Variants in SHANK1 observed in about 807,000 individuals in gnomAD.
SHANK1 encodes the protein SH3 and multiple ankyrin repeat domains 1.
Under a neutral mutation model 165.6 loss-of-function variants are expected in SHANK1, and 35 were observed. The observed-to-expected ratio is 0.21, with a 90% CI of 0.16 to 0.28. The LOEUF (loss-of-function observed/expected upper bound fraction) is 0.28, where lower values mean the gene tolerates loss of function less well. Ranked by LOEUF, SHANK1 falls within the 10% of genes least tolerant of loss-of-function variation. The pLI is 1.00. For synonymous variants in SHANK1, 1,428 were observed against 1,384.8 expected (o/e 1.03, Z -0.69); for missense variants, 2,681 against 3,036.4 (o/e 0.88, Z 2.75).
intron 23 of SHANK1, among the ~76,000 whole-genome samples, chr19:50,665,103 T>C (rs1326721527): frequency 6.6e-6 from 1 of 152,164 alleles, no homozygotes; most frequent in Non-Finnish European, 1.5e-5. Flanking sequence ...GTGATGGTGA[T>C]GGGCAGAGAC....
In SHANK1 at chr19:50,716,198, G is replaced by T. The variant is rs2089067923; in HGVS notation, c.459+77C>A. On this transcript the variant is annotated intron_variant, in intron 3 of 23. Transcript: ENST00000293441. The surrounding 1 kb of genome is among the most constrained non-coding windows in gnomAD (Gnocchi z 8.4). ...GCCCCCTCGTTAAGGTTTCGAGTGT[G>T]TTAAAAAGTGGGTGGGGGGCAGATG... The T allele has an allele frequency of 1.4e-6, 2 of 1,401,738 alleles. No individual in the cohort carries two copies. The highest frequency in any genetic ancestry group is 2.8e-5 in the African/African-American group (2 of 70,614). The allele number at this position is 1,401,738 out of a possible 1,614,324, so 86.8% of individuals were successfully genotyped here.
chr19:50,697,039 C>CA lies in SHANK1; in HGVS notation c.1964+56dup. 1.4e-6 allele frequency: 2 copies of CA among 1,465,468 alleles called. No individual in the cohort carries two copies. The highest frequency in any genetic ancestry group is 1.9e-6 in the Non-Finnish European group (2 of 1,044,552). The allele number at this position is 1,465,468 out of a possible 1,614,324, so 90.8% of individuals were successfully genotyped here. A position where few individuals can be genotyped will look rare whatever the true frequency, so the allele number is the denominator to read the frequency against. On this transcript the variant is annotated intron_variant, in intron 15 of 23. Coordinates refer to ENST00000293441, the MANE Select transcript of SHANK1 (RefSeq NM_016148.5). This position sits in a 1 kb window ranked among gnomAD's most constrained non-coding sequence, Gnocchi z 4.7. ...CGTGCACACACGTTCACACGCCCCC[C>CA]AGGCACCCCGTCCTTCCCCTCCTGA...
intron 8 of SHANK1, chr19:50,710,930 T>C (rs1305162531): frequency 1.8e-5 from 3 of 163,844 alleles, no homozygotes; most frequent in Non-Finnish European, 2.7e-5. Context: ...TTTCTCCTCT[T>C]TTCTACTCCT....
At chr19:50,699,687 G>T (rs1986845025) in intron 12 of SHANK1, among the ~76,000 whole-genome samples, 1 of 152,056 alleles carries the variant, frequency 6.6e-6, no homozygotes, top group Non-Finnish European at 1.5e-5. Flanking sequence ...GGGATTGGAA[G>T]GCTTGGGGCA....
At chr19:50,672,231 G>C in intron 21 of SHANK1, 117 bp from the exon 22 acceptor site, 1 of 818,282 alleles carries the variant, frequency 1.2e-6, no homozygotes, top group Non-Finnish European at 2.0e-6. Context: ...AGCCCCTGCC[G>C]TAAGGGAGAG....
chr19:50,687,018 A>T, intron 19 of SHANK1: 1 of 1,482,688 alleles, frequency 6.7e-7, no homozygotes, highest in Non-Finnish European at 8.9e-7. Flanking sequence ...CCCACTCACC[A>T]CTCTTCTTCT....
rs1985626539 is a variant in SHANK1 at position 50,668,146 on chromosome 19, G to GCCCGCCGTC, written c.3805_3813dup (p.Asp1269_Gly1271dup). 8 of 1,464,978 alleles carry GCCCGCCGTC rather than the reference G, an allele frequency of 5.5e-6. No homozygotes were observed. Among genetic ancestry groups the GCCCGCCGTC allele is most frequent in the Non-Finnish European group, 6.3e-6 (7 of 1,115,770 alleles). The allele number at this position is 1,464,978 out of a possible 1,614,324, so 90.7% of individuals were successfully genotyped here. A position where few individuals can be genotyped will look rare whatever the true frequency, so the allele number is the denominator to read the frequency against. ...GGGCCCGGGGCCGCCCCTGTGCCCAGCCCGCCGTCCCCGCCGTCCTCGTCC... is the reference window on the plus strand; with the variant it reads ...GGGCCCGGGGCCGCCCCTGTGCCCAGCCCGCCGTCCCCGCCGTCCCCGCCGTCCTCGTCC... On this transcript the variant is annotated inframe_insertion, in exon 23 of 24. Transcript: ENST00000293441.
At position 50,717,031 on chromosome 19, in the gene SHANK1, G is replaced by A. The variant is rs2089079228; in HGVS notation, c.-43-69C>T. The A allele has an allele frequency of 2.3e-6, 3 of 1,288,186 alleles. No individual in the cohort carries two copies. Among genetic ancestry groups the A allele is most frequent in the Admixed American group, 3.5e-5 (1 of 28,520 alleles). 79.8% of individuals were successfully genotyped at this position (1,288,186 alleles called of 1,614,324 possible). On this transcript the variant is annotated intron_variant, in intron 1 of 23. Coordinates refer to ENST00000293441, the MANE Select transcript of SHANK1 (RefSeq NM_016148.5). The surrounding 1 kb of genome is among the most constrained non-coding windows in gnomAD (Gnocchi z 5.5). Reference sequence around the variant, plus strand: ...CCTCAGAGGCCGCAGGCGCTATTCGGTGGTCAAGCGGTCAAGGGCAGCCTA... The same window carrying A: ...CCTCAGAGGCCGCAGGCGCTATTCGATGGTCAAGCGGTCAAGGGCAGCCTA...
intron 21 of SHANK1, among the ~76,000 whole-genome samples, chr19:50,673,064 C>T (rs1026811532): frequency 3.3e-5 from 5 of 152,090 alleles, no homozygotes; most frequent in Non-Finnish European, 5.9e-5. Context: ...TCGCCCAGTC[C>T]GTTATGTGTC....
At chr19:50,680,922 C>A (rs1237634792) in intron 21 of SHANK1, among the ~76,000 whole-genome samples, 1 of 152,142 alleles carries the variant, frequency 6.6e-6, no homozygotes, top group African/African-American at 2.4e-5. Flanking sequence ...TCCCAAAGTG[C>A]TGGGATTACA....
At position 50,666,588 on chromosome 19, in the gene SHANK1, C is replaced by T; in HGVS notation, c.5372G>A (p.Gly1791Glu). The T allele has an allele frequency of 1.2e-6, 2 of 1,601,246 alleles. No homozygotes were observed. The highest frequency in any genetic ancestry group is 1.7e-6 in the Non-Finnish European group (2 of 1,175,856). ...GGCCAGCAGCCCATCGGTTCCAGCC[C>T]CTGTCACCGAGACGGTGGGGCTGGT... ...TPTSPTVSVTGAGTDGLLALR... is the reference protein window; with the variant it reads ...TPTSPTVSVTEAGTDGLLALR... The change falls in exon 23 of 24, where the codon GGG becomes GAG. Residue 1791 changes from glycine (G) to glutamate (E), a missense_variant. Transcript: ENST00000293441.
At position 50,666,833 on chromosome 19, in the gene SHANK1, C is replaced by A; in HGVS notation, c.5127G>T (p.Gly1709=). The A allele has an allele frequency of 6.4e-7, 1 of 1,552,002 alleles. No homozygotes were observed. Among genetic ancestry groups the A allele is most frequent in the African/African-American group, 1.4e-5 (1 of 73,500 alleles). Residue 1709 remains glycine (G), a synonymous_variant, in exon 23 of 24, where the codon GGG becomes GGT. Coordinates refer to ENST00000293441, the MANE Select transcript of SHANK1 (RefSeq NM_016148.5). ...SLSAEGGGSA[G]GGGGAGAGVA... Reference sequence around the variant, plus strand: ...CACCGGCCCCAGCCCCGCCCCCACCCCCTGCGCTGCCACCACCTTCGGCAG... The same window carrying A: ...CACCGGCCCCAGCCCCGCCCCCACCACCTGCGCTGCCACCACCTTCGGCAG...
Position 50,660,536 on chromosome 19 carries a change from G to A in SHANK1, c.*1429C>T, listed in dbSNP as rs539725523. On this transcript the variant is annotated 3_prime_UTR_variant, in exon 24 of 24. Coordinates refer to ENST00000293441, the MANE Select transcript of SHANK1 (RefSeq NM_016148.5). ...TTGTCAACAGGAATAAAAAATAAGC[G>A]TGTCAGGAAAAGAAATGACAGTTAC... Among the ~76,000 whole-genome samples, 27 of 152,080 alleles carry A rather than the reference G, an allele frequency of 1.8e-4. No homozygotes were observed. The South Asian group carries it at 4.6e-3, about 26-fold the overall frequency.
Position 50,704,554 on chromosome 19 carries a change from G to A in SHANK1, c.1078-40C>T, listed in dbSNP as rs534864358. The A allele has an allele frequency of 1.1e-5, 18 of 1,568,076 alleles. No individual in the cohort carries two copies. The African/African-American group carries it at 1.3e-4, about 12-fold the overall frequency. On this transcript the variant is annotated intron_variant, in intron 8 of 23. Coordinates refer to ENST00000293441, the MANE Select transcript of SHANK1 (RefSeq NM_016148.5). Reference sequence around the variant, plus strand: ...CAGTGGCACAGGACAAAGAGAGAGAGAAAAAATTAAGATCACCATGAGTGG... The same window carrying A: ...CAGTGGCACAGGACAAAGAGAGAGAAAAAAAATTAAGATCACCATGAGTGG...
At position 50,672,113 on chromosome 19, in the gene SHANK1, G is replaced by A. The variant is rs777118058; in HGVS notation, c.2579C>T (p.Ser860Leu). Residue 860 changes from serine (S) to leucine (L), a missense_variant and splice_region_variant, in exon 22 of 24, where the codon TCG becomes TTG. By Grantham distance (145) the Ser-to-Leu change is moderately radical (BLOSUM62 -2). Coordinates refer to ENST00000293441, the MANE Select transcript of SHANK1 (RefSeq NM_016148.5). ...HRPKGFFATESSFDPHHRAQP... is the reference protein window; with the variant it reads ...HRPKGFFATELSFDPHHRAQP... Reference sequence around the variant, plus strand: ...GGCACGGTGGTGGGGATCGAAGCTCGACTTTGGAGCGGCAGTCAGAGGGGG... The same window carrying A: ...GGCACGGTGGTGGGGATCGAAGCTCAACTTTGGAGCGGCAGTCAGAGGGGG... 1.3e-5 allele frequency: 21 copies of A among 1,612,620 alleles called. No individual in the cohort carries two copies. In the East Asian group the frequency reaches 1.6e-4, roughly 12 times the overall value.
In SHANK1 at chr19:50,666,407, C is replaced by T. The variant is rs1350162588; in HGVS notation, c.5553G>A (p.Leu1851=). ...EEGPGPPPPP[L]PGPLAQPQAS... is the part of the protein sequence containing the mutation. ...CCTGAGGCTGGGCCAAGGGCCCGGG[C>T]AGAGGTGGTGGCGGTGGGCCCGGGC... Residue 1851 remains leucine, a synonymous_variant, in exon 23 of 24, where the codon CTG becomes CTA. Coordinates refer to ENST00000293441, the MANE Select transcript of SHANK1 (RefSeq NM_016148.5). 11 of 1,612,564 alleles carry T rather than the reference C, an allele frequency of 6.8e-6. No homozygotes were observed. The highest frequency in any genetic ancestry group is 1.1e-5 in the South Asian group (1 of 91,004).
intron 21 of SHANK1, among the ~76,000 whole-genome samples, chr19:50,676,800 C>T (rs1985998662): frequency 6.6e-6 from 1 of 152,190 alleles, no homozygotes; most frequent in Non-Finnish European, 1.5e-5. Context: ...CACTTCCCAG[C>T]TTCCTTTGCA....
rs757087714 is a variant in SHANK1 at position 50,668,938 on chromosome 19, C to CGTGGTG, written c.3016_3021dup (p.His1006_His1007dup). ...TGGTGGTGGGGCTGAGGGGGCGGGG[C>CGTGGTG]GTGGTGGTGGTGGTGGTGGGGCGGG... On this transcript the variant is annotated inframe_insertion, in exon 23 of 24. Transcript: ENST00000293441. The CGTGGTG allele has an allele frequency of 2.3e-4, 49 of 210,618 alleles. No individual in the cohort carries two copies. The highest frequency in any genetic ancestry group is 2.6e-4 in the Non-Finnish European group (33 of 128,400). The allele number at this position is 210,618 out of a possible 1,614,324, so 13.0% of individuals were successfully genotyped here.
In SHANK1 at chr19:50,697,446, T is replaced by C. The variant is rs1421603519; in HGVS notation, c.1937+143A>G. The C allele has an allele frequency of 2.9e-5, 24 of 813,858 alleles. No homozygotes were observed. Among genetic ancestry groups the C allele is most frequent in the Non-Finnish European group, 1.7e-5 (8 of 474,052 alleles). The allele number at this position is 813,858 out of a possible 1,614,324, so 50.4% of individuals were successfully genotyped here. A position where few individuals can be genotyped will look rare whatever the true frequency, so the allele number is the denominator to read the frequency against. On this transcript the variant is annotated intron_variant, in intron 14 of 23. Coordinates refer to ENST00000293441, the MANE Select transcript of SHANK1 (RefSeq NM_016148.5). This position sits in a 1 kb window ranked among gnomAD's most constrained non-coding sequence, Gnocchi z 4.7. ...GTTGGGCTGTACTGTCTGAAGCTAA[T>C]TCTGGCTTATCCCACCCCTGGATCA...
Sources: gnomAD v4.1 joint callset for allele counts (sites outside exome capture counted in the v4.1 genomes callset) on GRCh38, gnomAD v4.1.1 for gene constraint, Gnocchi (gnomAD v3.1) non-coding constraint, MANE v1.5 for transcripts, NCBI Gene and HGNC (gene_info 2026-07-23, HGNC 2026-07-21) for gene names.